Variants in FBP1 observed in about 807,000 individuals in gnomAD.
FBP1 encodes the protein fructose-1,6-bisphosphatase 1.
FBP1 carries 22 observed loss-of-function variants against 29.9 expected under a neutral mutation model. The observed-to-expected ratio is 0.74, with a 90% confidence interval of 0.53 to 1.05. The LOEUF is 1.05. Among genes scored for constraint, FBP1 ranks in the 50% least tolerant of loss-of-function variants. FBP1 has a pLI of 0.00. For missense variants in FBP1, 345 were observed against 448.2 expected (o/e 0.77, Z 2.08); for synonymous variants, 175 against 178.6 (o/e 0.98, Z 0.16).
chr9:94,615,830 CTT>C (rs5741695), intron 3 of FBP1, among the ~76,000 whole-genome samples: 191 of 140,474 alleles, frequency 1.4e-3, no homozygotes, highest in African/African-American at 2.2e-3. Flanking sequence ...GGTCTCAGTT[CTT>C]TTTTTTTTTT....
chr9:94,619,838 T>C (rs10123666), intron 2 of FBP1, among the ~76,000 whole-genome samples: 77,496 of 141,608 alleles, frequency 0.55, 22,557 homozygotes, highest in African/African-American at 0.78. Context: ...CACACCACTG[T>C]ACACCAGACT....
chr9:94,634,760 A>G (rs958690009), intron 1 of FBP1, among the ~76,000 whole-genome samples: 1 of 152,148 alleles, frequency 6.6e-6, no homozygotes, highest in African/African-American at 2.4e-5. Flanking sequence ...TCACATCAAA[A>G]ATGTCGCCTG....
At chr9:94,638,012 G>T (rs988655778) in intron 1 of FBP1, among the ~76,000 whole-genome samples, 1 of 151,560 alleles carries the variant, frequency 6.6e-6, no homozygotes, top group Admixed American at 6.6e-5. Context: ...CTTGAACCTG[G>T]GAGGCAGAGG....
At chr9:94,622,080 G>A (rs1247188196) in intron 1 of FBP1, among the ~76,000 whole-genome samples, 3 of 152,172 alleles carry the variant, frequency 2.0e-5, no homozygotes, top group Non-Finnish European at 4.4e-5. Context: ...CCTGGCAGGA[G>A]TCCTAGGGCA....
At chr9:94,612,310 G>T (rs934951289) in intron 3 of FBP1, among the ~76,000 whole-genome samples, 1 of 152,014 alleles carries the variant, frequency 6.6e-6, no homozygotes, top group African/African-American at 2.4e-5. Context: ...GCCAATAAAG[G>T]CCCCTTTTCC....
At chr9:94,628,784 T>C (rs1158659446) in intron 1 of FBP1, among the ~76,000 whole-genome samples, 1 of 152,222 alleles carries the variant, frequency 6.6e-6, no homozygotes, top group African/African-American at 2.4e-5. Flanking sequence ...GAGACCCGGA[T>C]ATTTGGTTTC....
intron 1 of FBP1, among the ~76,000 whole-genome samples, chr9:94,629,602 G>C (rs761657247): frequency 1.3e-5 from 2 of 152,168 alleles, no homozygotes; most frequent in Non-Finnish European, 2.9e-5. Flanking sequence ...ATGTGTGCAA[G>C]AGTGAGACAC....
intron 1 of FBP1, among the ~76,000 whole-genome samples, chr9:94,633,897 G>T (rs1225969716): frequency 1.3e-5 from 2 of 151,294 alleles, no homozygotes; most frequent in African/African-American, 4.9e-5. Flanking sequence ...TGGTAGAGAC[G>T]GGGTTTCACC....
At chr9:94,622,605 C>T (rs1028405047) in intron 1 of FBP1, among the ~76,000 whole-genome samples, 1 of 152,236 alleles carries the variant, frequency 6.6e-6, no homozygotes, top group African/African-American at 2.4e-5. Context: ...CGCCTGTCAG[C>T]GTCTTTCAGC....
At chr9:94,611,590 G>GA (rs200636382) in intron 3 of FBP1, among the ~76,000 whole-genome samples, 15 of 152,086 alleles carry the variant, frequency 9.9e-5, no homozygotes, top group East Asian at 7.8e-4. Flanking sequence ...CCATCTCTAC[G>GA]AAAAAAAATT....
chr9:94,630,453 G>A (rs1483927298), intron 1 of FBP1, among the ~76,000 whole-genome samples: 2 of 152,148 alleles, frequency 1.3e-5, no homozygotes, highest in Admixed American at 1.3e-4. Flanking sequence ...GAGTGTAATG[G>A]TCAAGGCCCC....
At chr9:94,617,687 G>T in intron 3 of FBP1, 81 bp downstream of exon 3, 1 of 884,154 alleles carries the variant, frequency 1.1e-6, no homozygotes, top group Non-Finnish European at 1.9e-6. Context: ...CACTCCGGCT[G>T]CTCTGCCACA....
intron 1 of FBP1, among the ~76,000 whole-genome samples, chr9:94,635,886 T>C (rs1356458119): frequency 6.6e-6 from 1 of 152,216 alleles, no homozygotes; most frequent in African/African-American, 2.4e-5. Flanking sequence ...TGTCCCGATA[T>C]TAATGGATGT....
intron 3 of FBP1, among the ~76,000 whole-genome samples, chr9:94,612,561 T>C (rs1827801779): frequency 6.9e-6 from 1 of 145,224 alleles, no homozygotes; most frequent in Non-Finnish European, 1.5e-5. Context: ...TTTTTTTTTT[T>C]TTTTTTTTTT....
In FBP1 at chr9:94,603,227, G is replaced by A. The variant is rs1827636573; in HGVS notation, c.*154C>T. ...TATGGAGACAGCATTTGGTTAGGGA[G>A]TGCCAAGCATTCTACAGCATTTGAT... On this transcript the variant is annotated 3_prime_UTR_variant, in exon 7 of 7. Coordinates refer to ENST00000375326, the MANE Select transcript of FBP1 (RefSeq NM_000507.4). 2 of 706,572 alleles carry A rather than the reference G, an allele frequency of 2.8e-6. No individual in the cohort carries two copies. Among genetic ancestry groups the A allele is most frequent in the South Asian group, 1.6e-5 (1 of 63,514 alleles). 43.8% of individuals were successfully genotyped at this position (706,572 alleles called of 1,614,324 possible).
intron 3 of FBP1, among the ~76,000 whole-genome samples, chr9:94,612,681 C>T (rs1317822847): frequency 6.6e-6 from 1 of 151,786 alleles, no homozygotes; most frequent in African/African-American, 2.4e-5. Flanking sequence ...CTCAGCCTCC[C>T]AAGTAGCTGG....
At chr9:94,606,995 C>T (rs1827712181) in intron 4 of FBP1, 43 bp from the exon 5 acceptor site, 1 of 1,613,498 alleles carries the variant, frequency 6.2e-7, no homozygotes, top group African/African-American at 1.3e-5. Context: ...GACGAGCGCA[C>T]TGGGTCCCCC....
intron 1 of FBP1, among the ~76,000 whole-genome samples, chr9:94,636,539 G>C (rs1828193028): frequency 6.6e-6 from 1 of 151,734 alleles, no homozygotes; most frequent in Non-Finnish European, 1.5e-5. Context: ...CTTCATCCAG[G>C]CCCCACCATC....
At chr9:94,605,685 A>G (rs1675273433) in intron 5 of FBP1, 109 bp from the exon 6 acceptor site, 1 of 1,106,506 alleles carries the variant, frequency 9.0e-7, no homozygotes, top group South Asian at 1.3e-5. Context: ...AGCACCTACA[A>G]GGTATGTATT....
Sources: gnomAD v4.1 joint callset for allele counts (sites outside exome capture counted in the v4.1 genomes callset) on GRCh38, gnomAD v4.1.1 for gene constraint, MANE v1.5 for transcripts, NCBI Gene and HGNC (gene_info 2026-07-23, HGNC 2026-07-21) for gene names.